ALKBH6: variants seen among roughly 807,000 people sequenced by gnomAD.
ALKBH6 encodes the protein probable RNA/DNA demethylase ALKBH6.
Under a neutral mutation model 25.1 loss-of-function variants are expected in ALKBH6, and 20 were observed. The observed-to-expected ratio is 0.80, with a 90% CI of 0.56 to 1.16. The LOEUF (loss-of-function observed/expected upper bound fraction) is 1.16. ALKBH6 is among the 50% of genes most tolerant of loss of function. The pLI is 0.00. For missense variants in ALKBH6, 263 were observed against 326.5 expected (o/e 0.81, Z 1.50); for synonymous variants, 156 against 147.5 (o/e 1.06, Z -0.42).
chr19:36,014,095 T>A, intron 1 of ALKBH6, 80 bp downstream of exon 1: 2 of 1,594,114 alleles, frequency 1.3e-6, no homozygotes, highest in Non-Finnish European at 8.5e-7. Context: ...CTCCTCGGAC[T>A]CCTACTCTGG....
chr19:36,013,179 C>G lies in ALKBH6; in HGVS notation c.55-90G>C, dbSNP rs1968663844. The G allele has an allele frequency of 6.8e-7, 1 of 1,466,992 alleles. No homozygotes were observed. The highest frequency in any genetic ancestry group is 9.5e-7 in the Non-Finnish European group (1 of 1,050,252). The allele number at this position is 1,466,992 out of a possible 1,614,324, so 90.9% of individuals were successfully genotyped here. ...AGCAACCCCTATGCCTGGAGACAGG[C>G]TCAGGATGTCCTCAGACAGGTCAGG... On this transcript the variant is annotated intron_variant, in intron 2 of 6. Transcript: ENST00000378875. The surrounding 1 kb of genome is among the most constrained non-coding windows in gnomAD (Gnocchi z 4.6).
At position 36,013,022 on chromosome 19, in the gene ALKBH6, T is replaced by C. The variant is rs767204867; in HGVS notation, c.122A>G (p.Gln41Arg). 1 of 1,613,332 alleles carries C rather than the reference T, an allele frequency of 6.2e-7. No individual in the cohort carries two copies. Among genetic ancestry groups the C allele is most frequent in the East Asian group, 2.2e-5 (1 of 44,882 alleles). Residue 41 changes from glutamine to arginine, a missense_variant and splice_region_variant, in exon 3 of 7, where the codon CAG becomes CGG. By Grantham distance (43) the Gln-to-Arg change is conservative. Coordinates refer to ENST00000378875, the MANE Select transcript of ALKBH6 (RefSeq NM_032878.5). The surrounding 1 kb of genome is among the most constrained non-coding windows in gnomAD (Gnocchi z 4.6). ...SKEEEEYLLRQVFNAPKPKWT... is the reference protein window; with the variant it reads ...SKEEEEYLLRRVFNAPKPKWT... ...AGACCAGTAGGGCACTGAGGTCACC[T>C]GTCGAAGCAAATACTCCTCCTCTTC...
In ALKBH6 at chr19:36,010,383, C is replaced by T. The variant is rs1968563625; in HGVS notation, c.453+184G>A. On this transcript the variant is annotated intron_variant, in intron 6 of 6. Coordinates refer to ENST00000378875, the MANE Select transcript of ALKBH6 (RefSeq NM_032878.5). This position sits in a 1 kb window ranked among gnomAD's most constrained non-coding sequence, Gnocchi z 5.5. Reference sequence around the variant, plus strand: ...CCTGTGAAAATCATGGCATGTGGGACAGACACCCTGTAAGCAGATGGGTTG... The same window carrying T: ...CCTGTGAAAATCATGGCATGTGGGATAGACACCCTGTAAGCAGATGGGTTG... The T allele has an allele frequency of 3.1e-6, 2 of 650,020 alleles. No homozygotes were observed. Among genetic ancestry groups the T allele is most frequent in the Admixed American group, 4.9e-5 (2 of 41,122 alleles). The allele number at this position is 650,020 out of a possible 1,614,324, so 40.3% of individuals were successfully genotyped here.
intron 3 of ALKBH6, chr19:36,011,934 A>C: frequency 6.4e-6 from 1 of 155,356 alleles, no homozygotes; most frequent in Non-Finnish European, 1.4e-5. Flanking sequence ...AAAAATACAA[A>C]ACTTAGCTGG....
Position 36,010,678 on chromosome 19 carries a change from G to T in ALKBH6, c.342C>A (p.His114Gln). 6.2e-7 allele frequency: 1 copy of T among 1,613,746 alleles called. No homozygotes were observed. Among genetic ancestry groups the T allele is most frequent in the Non-Finnish European group, 8.5e-7 (1 of 1,179,752 alleles). Residue 114 changes from histidine to glutamine, a missense_variant, in exon 6 of 7, where the codon CAC becomes CAA. Transcript: ENST00000378875. The surrounding 1 kb of genome is among the most constrained non-coding windows in gnomAD (Gnocchi z 5.5). Reference protein sequence around the residue: ...QYLPGEGIMPHEDGPLYYPTV... With the variant: ...QYLPGEGIMPQEDGPLYYPTV... Reference sequence around the variant, plus strand: ...TCGGGTAGTACAGTGGTCCGTCCTCGTGGGGCTAGGGAGTGGGCACCAGGG... The same window carrying T: ...TCGGGTAGTACAGTGGTCCGTCCTCTTGGGGCTAGGGAGTGGGCACCAGGG...
chr19:36,013,394 C>G lies in ALKBH6; in HGVS notation c.4G>C (p.Glu2Gln). The G allele has an allele frequency of 1.9e-6, 3 of 1,613,744 alleles. No homozygotes were observed. Among genetic ancestry groups the G allele is most frequent in the Non-Finnish European group, 1.7e-6 (2 of 1,179,898 alleles). Residue 2 changes from glutamate (E) to glutamine (Q), a missense_variant, in exon 2 of 7, where the codon GAG becomes CAG. Physicochemically the swap from Glu to Gln is conservative, Grantham distance 29. Transcript: ENST00000378875. The surrounding 1 kb of genome is among the most constrained non-coding windows in gnomAD (Gnocchi z 4.6). M[E>Q]EQDARVPALE... The stretch of plus-strand genomic sequence containing the variant: ...GCTGGGACTCTGGCGTCCTGCTCCT[C>G]CATCAACACCAACTCCTTGCACCCA...
intron 3 of ALKBH6, 30 bp from the exon 4 acceptor site, chr19:36,011,494 C>T: frequency 1.2e-6 from 2 of 1,611,982 alleles, no homozygotes; most frequent in South Asian, 1.1e-5. Flanking sequence ...TCACTCCTTT[C>T]TCAGGATCAC....
chr19:36,011,429 G>C lies in ALKBH6; in HGVS notation c.159C>G (p.Leu53=). ...CCCAGTTCTGTAACTTTCTCCCAGA[G>C]AGCTGGGTCCACTTTGGCTTTGGGG... is the stretch of plus-strand genomic sequence containing the variant. ...FNAPKPKWTQ[L]SGRKLQNWGG... is the part of the protein sequence containing the mutation. The change falls in exon 4 of 7, where the codon CTC becomes CTG. Residue 53 remains leucine, a synonymous_variant. Coordinates refer to ENST00000378875, the MANE Select transcript of ALKBH6 (RefSeq NM_032878.5). The C allele has an allele frequency of 1.9e-6, 3 of 1,613,536 alleles. No individual in the cohort carries two copies. Among genetic ancestry groups the C allele is most frequent in the Non-Finnish European group, 2.5e-6 (3 of 1,179,982 alleles).
In ALKBH6 at chr19:36,011,426, A is replaced by G; in HGVS notation, c.162T>C (p.Ser54=). Residue 54 remains serine, a synonymous_variant, in exon 4 of 7, where the codon TCT becomes TCC. Transcript: ENST00000378875. Reference sequence around the variant, plus strand: ...TACCCCAGTTCTGTAACTTTCTCCCAGAGAGCTGGGTCCACTTTGGCTTTG... The same window carrying G: ...TACCCCAGTTCTGTAACTTTCTCCCGGAGAGCTGGGTCCACTTTGGCTTTG... The part of the protein sequence containing the change: ...NAPKPKWTQL[S]GRKLQNWGGL... 3 of 1,613,414 alleles carry G rather than the reference A, an allele frequency of 1.9e-6. No individual in the cohort carries two copies. Among genetic ancestry groups the G allele is most frequent in the East Asian group, 4.5e-5 (2 of 44,880 alleles).
intron 3 of ALKBH6, chr19:36,012,633 C>T (rs1201665776): frequency 5.8e-6 from 1 of 171,516 alleles, no homozygotes; most frequent in Non-Finnish European, 1.3e-5. Context: ...CTTCTTTCCC[C>T]AAACCTTAAG....
In ALKBH6 at chr19:36,009,376, C is replaced by A; in HGVS notation, c.631G>T (p.Ala211Ser). ...ACCCGGGTGCCGCGCACCAGGCAGG[C>A]TCCCGGCCGCGCCGACGGGCAGGCT... is the stretch of plus-strand genomic sequence containing the variant. ...AAACPSARPG[A>S]CLVRGTRVSL... The change falls in exon 7 of 7, where the codon GCC (alanine) becomes TCC (serine). Residue 211 changes from alanine (A) to serine (S), a missense_variant. Physicochemically the swap from Ala to Ser is moderately conservative, Grantham distance 99. This residue lies in a region of ALKBH6 where 148 missense variants were observed against 157.5 expected (regional missense o/e 0.94). Transcript: ENST00000378875. 1.6e-6 allele frequency: 2 copies of A among 1,264,498 alleles called. No homozygotes were observed. Among genetic ancestry groups the A allele is most frequent in the South Asian group, 2.9e-5 (1 of 34,554 alleles). The allele number at this position is 1,264,498 out of a possible 1,614,324, so 78.3% of individuals were successfully genotyped here.
At position 36,014,206 on chromosome 19, in the gene ALKBH6, T is replaced by A; in HGVS notation, c.-57A>T. The A allele has an allele frequency of 6.2e-7, 1 of 1,611,838 alleles. No individual in the cohort carries two copies. The highest frequency in any genetic ancestry group is 8.5e-7 in the Non-Finnish European group (1 of 1,178,930). ...CCAGCGTCCCCTCCAATTTCCAAAT[T>A]CAACATCCCCATCCCCCTCCCAGCC... is the stretch of plus-strand genomic sequence containing the variant. On this transcript the variant is annotated 5_prime_UTR_variant, in exon 1 of 7. Coordinates refer to ENST00000378875, the MANE Select transcript of ALKBH6 (RefSeq NM_032878.5).
In ALKBH6 at chr19:36,010,015, G is replaced by T. The variant is rs1254497594; in HGVS notation, c.454-462C>A. Among the ~76,000 whole-genome samples, 1 of 152,180 alleles carries T rather than the reference G, an allele frequency of 6.6e-6. No individual in the cohort carries two copies. Among genetic ancestry groups the T allele is most frequent in the Non-Finnish European group, 1.5e-5 (1 of 68,024 alleles). ...GACATCAGGACATTAGAGGACAACC[G>T]CACAGCTGAGGGAGTGTCAGAGCAT... On this transcript the variant is annotated intron_variant, in intron 6 of 6. Coordinates refer to ENST00000378875, the MANE Select transcript of ALKBH6 (RefSeq NM_032878.5). The surrounding 1 kb of genome is among the most constrained non-coding windows in gnomAD (Gnocchi z 5.5).
At chr19:36,009,672 G>A in intron 6 of ALKBH6, 119 bp from the exon 7 acceptor site, 1 of 703,718 alleles carries the variant, frequency 1.4e-6, no homozygotes, top group Non-Finnish European at 2.0e-6. Context: ...GAGCAAGTGT[G>A]CTCACAATGA....
chr19:36,013,241 A>C lies in ALKBH6; in HGVS notation c.54+103T>G. ...AGGGACCAGTGCCATTCCAGAATGG[A>C]CTCTGACAGTAAGAATGAATTTGGT... On this transcript the variant is annotated intron_variant, in intron 2 of 6. Transcript: ENST00000378875. The surrounding 1 kb of genome is among the most constrained non-coding windows in gnomAD (Gnocchi z 4.6). The C allele has an allele frequency of 1.3e-6, 2 of 1,508,410 alleles. No individual in the cohort carries two copies. The highest frequency in any genetic ancestry group is 1.8e-6 in the Non-Finnish European group (2 of 1,088,078). 93.4% of individuals were successfully genotyped at this position (1,508,410 alleles called of 1,614,324 possible).
At chr19:36,011,302 G>C in intron 4 of ALKBH6, 102 bp downstream of exon 4, 1 of 1,434,142 alleles carries the variant, frequency 7.0e-7, no homozygotes, top group Non-Finnish European at 9.5e-7. Context: ...GGGGCCCCTT[G>C]AGCTGTCAGG....
chr19:36,010,980 C>A lies in ALKBH6; in HGVS notation c.250G>T (p.Asp84Tyr). The part of the protein sequence containing the change: ...RLPPWLQRYV[D>Y]KVSNLSLFGG... Reference sequence around the variant, plus strand: ...AAGAGGCTGAGGTTTGACACTTTGTCCACGTAGCGCTGGAGCCATGGGGGC... The same window carrying A: ...AAGAGGCTGAGGTTTGACACTTTGTACACGTAGCGCTGGAGCCATGGGGGC... The change falls in exon 5 of 7, where the codon GAC (aspartate) becomes TAC (tyrosine). Residue 84 changes from aspartate to tyrosine, a missense_variant. Asp to Tyr is a radical substitution (Grantham distance 160). Transcript: ENST00000378875. This position sits in a 1 kb window ranked among gnomAD's most constrained non-coding sequence, Gnocchi z 5.5. 6.2e-7 allele frequency: 1 copy of A among 1,613,906 alleles called. No individual in the cohort carries two copies.
chr19:36,010,530 T>C lies in ALKBH6; in HGVS notation c.453+37A>G, dbSNP rs1033450491. 3.2e-6 allele frequency: 5 copies of C among 1,565,150 alleles called. No individual in the cohort carries two copies. Among genetic ancestry groups the C allele is most frequent in the African/African-American group, 2.7e-5 (2 of 73,746 alleles). ...TCTTGGAGGATGTGCGAGGTTGAAG[T>C]GCCTACAAGCAGCTGGGGCAGTGTC... On this transcript the variant is annotated intron_variant, in intron 6 of 6. Coordinates refer to ENST00000378875, the MANE Select transcript of ALKBH6 (RefSeq NM_032878.5). The surrounding 1 kb of genome is among the most constrained non-coding windows in gnomAD (Gnocchi z 5.5).
intron 4 of ALKBH6, 22 bp from the exon 5 acceptor site, chr19:36,011,067 T>C: frequency 6.3e-7 from 1 of 1,581,386 alleles, no homozygotes. Flanking sequence ...AATGGGGTCC[T>C]GAGGGCCCCC....
Sources: gnomAD v4.1 joint callset for allele counts (sites outside exome capture counted in the v4.1 genomes callset) on GRCh38, gnomAD v4.1.1 for gene constraint, gnomAD v4.1.1 regional missense constraint, Gnocchi (gnomAD v3.1) non-coding constraint, MANE v1.5 for transcripts, NCBI Gene and HGNC (gene_info 2026-07-23, HGNC 2026-07-21) for gene names.